MTF2: variants seen among roughly 807,000 people sequenced by gnomAD.
The protein encoded by MTF2 is metal-response element-binding transcription factor 2.
A neutral mutation model predicts 79.5 loss-of-function variants in MTF2; 11 were observed. That is an observed-to-expected ratio of 0.14 (90% CI 0.09 to 0.23). MTF2 has a LOEUF of 0.23. MTF2 is among the 10% of genes least tolerant of loss of function. The pLI is 1.00. For missense variants in MTF2, 486 were observed against 711.2 expected, an observed-to-expected ratio of 0.68 and a Z score of 3.60; for synonymous variants, 208 against 232.8, an observed-to-expected ratio of 0.89 and a Z score of 0.97.
intron 6 of MTF2, among the ~76,000 whole-genome samples, chr1:93,116,837 T>G (rs188596785): frequency 4.6e-5 from 7 of 152,076 alleles, no homozygotes; most frequent in African/African-American, 1.4e-4. Context: ...AATTTCAATA[T>G]TGTGTCTCAG....
intron 9 of MTF2, chr1:93,121,749 T>G (rs1027201861): frequency 1.1e-6 from 1 of 924,180 alleles, no homozygotes; most frequent in Non-Finnish European, 1.3e-6. Context: ...AATACTTTTT[T>G]TTTAGATGAA....
At chr1:93,099,092 C>A (rs1018249709) in intron 1 of MTF2, among the ~76,000 whole-genome samples, 3 of 152,166 alleles carry the variant, frequency 2.0e-5, no homozygotes, top group Admixed American at 2.0e-4. Context: ...TGATAAGGTC[C>A]TGAAAAAGAC....
chr1:93,081,308 A>G (rs750353439), intron 1 of MTF2, among the ~76,000 whole-genome samples: 9 of 152,178 alleles, frequency 5.9e-5, no homozygotes, highest in Non-Finnish European at 1.0e-4. Context: ...GATTTCATGG[A>G]TTATAAATAT....
intron 11 of MTF2, among the ~76,000 whole-genome samples, chr1:93,133,011 C>A (rs1423711507): frequency 6.6e-6 from 1 of 151,788 alleles, no homozygotes; most frequent in East Asian, 1.9e-4. Flanking sequence ...TAATTAGTGT[C>A]TTTGCCTATT....
intron 6 of MTF2, among the ~76,000 whole-genome samples, chr1:93,115,929 G>A (rs755640751): frequency 2.6e-4 from 40 of 152,152 alleles, no homozygotes; most frequent in Non-Finnish European, 5.6e-4. Flanking sequence ...TTCATTGGAT[G>A]TCATATTTAA....
chr1:93,096,819 T>C (rs1655311066), intron 1 of MTF2, among the ~76,000 whole-genome samples: 1 of 148,986 alleles, frequency 6.7e-6, no homozygotes, highest in Non-Finnish European at 1.5e-5. Context: ...TTTTTTTTTT[T>C]TTTTTTTTGG....
intron 8 of MTF2, chr1:93,120,067 GA>G (rs974976984): frequency 6.6e-6 from 1 of 152,312 alleles, no homozygotes; most frequent in Non-Finnish European, 1.5e-5. Context: ...TGGATCTCCT[GA>G]GGTCTGGAGT....
intron 1 of MTF2, among the ~76,000 whole-genome samples, chr1:93,101,585 T>TTTTTTG (rs1557546833): frequency 6.1e-5 from 7 of 115,622 alleles, no homozygotes; most frequent in African/African-American, 2.1e-4. Context: ...TTTTTTTTTT[T>TTTTTTG]TTTTTTTTTT....
chr1:93,115,394 G>C (rs1024843090), intron 5 of MTF2, 76 bp from the exon 6 acceptor site: 5 of 1,165,700 alleles, frequency 4.3e-6, no homozygotes, highest in Non-Finnish European at 5.9e-6. Context: ...AGAAGTGTCA[G>C]AGTCGTTTTT....
intron 9 of MTF2, among the ~76,000 whole-genome samples, chr1:93,123,389 A>G (rs1656567935): frequency 6.6e-6 from 1 of 151,682 alleles, no homozygotes; most frequent in Non-Finnish European, 1.5e-5. Context: ...GTTATACGTA[A>G]TATAGACTAA....
rs547009721 is a variant in MTF2 at position 93,112,692 on chromosome 1, A to G, written c.287-1996A>G. Among the ~76,000 whole-genome samples, 17 of 152,334 alleles carry G rather than the reference A, an allele frequency of 1.1e-4. No homozygotes were observed. In the East Asian group the frequency reaches 3.3e-3, roughly 29 times the overall value. Reference sequence around the variant, plus strand: ...TTTTAACAACAACAAAAAATTTGGTATTTCTAAGATGAAATGGCCAAGGCT... The same window carrying G: ...TTTTAACAACAACAAAAAATTTGGTGTTTCTAAGATGAAATGGCCAAGGCT... On this transcript the variant is annotated intron_variant, in intron 3 of 14. Transcript: ENST00000370298.
chr1:93,098,917 G>A (rs868037398), intron 1 of MTF2, among the ~76,000 whole-genome samples: 2 of 152,174 alleles, frequency 1.3e-5, no homozygotes, highest in Admixed American at 6.5e-5. Context: ...TGAGCCACTA[G>A]TAGCAACCCC....
At chr1:93,109,451 A>G (rs1252081968) in intron 1 of MTF2, among the ~76,000 whole-genome samples, 3 of 151,942 alleles carry the variant, frequency 2.0e-5, no homozygotes, top group Non-Finnish European at 4.4e-5. Flanking sequence ...CTCCTGCCTC[A>G]GCCTCCCCAG....
At chr1:93,098,784 T>G (rs1472940879) in intron 1 of MTF2, among the ~76,000 whole-genome samples, 1 of 152,224 alleles carries the variant, frequency 6.6e-6, no homozygotes, top group East Asian at 1.9e-4. Flanking sequence ...TAATATAGTT[T>G]ATTTGTAGTA....
chr1:93,115,421 T>G, intron 5 of MTF2, 49 bp from the exon 6 acceptor site: 17 of 1,386,192 alleles, frequency 1.2e-5, no homozygotes, highest in African/African-American at 2.9e-5. Flanking sequence ...TAGAATTGTG[T>G]TTAAAATTTT....
chr1:93,120,579 C>T lies in MTF2; in HGVS notation c.828C>T (p.Asn276=), dbSNP rs1656436021. The change falls in exon 9 of 15, where the codon AAC becomes AAT. Residue 276 remains asparagine, a synonymous_variant. Transcript: ENST00000370298. The stretch of plus-strand genomic sequence containing the variant: ...ATATAGCACACCTATGCCTTTACAA[C>T]CTAAGTGTTATTCATAAGAAGAAAT... ...WVDIAHLCLY[N]LSVIHKKKYF... is the part of the protein sequence containing the mutation. 9 of 1,606,906 alleles carry T rather than the reference C, an allele frequency of 5.6e-6. No individual in the cohort carries two copies. The highest frequency in any genetic ancestry group is 6.8e-6 in the Non-Finnish European group (8 of 1,176,498).
chr1:93,122,518 C>T (rs1430654987), intron 9 of MTF2, among the ~76,000 whole-genome samples: 1 of 152,098 alleles, frequency 6.6e-6, no homozygotes, highest in Non-Finnish European at 1.5e-5. Context: ...GGTGTCCCAG[C>T]TCCAACTGAA....
rs71586778 is a variant in MTF2, at chr1:93,101,568, G to GTTTTTTTTTTTTTTTTTTTTTTTTTTT, written c.6-8659_6-8633dup. Among the ~76,000 whole-genome samples, 9 of 25,406 alleles carry GTTTTTTTTTTTTTTTTTTTTTTTTTTT rather than the reference G, an allele frequency of 3.5e-4. 4 individuals are homozygous for GTTTTTTTTTTTTTTTTTTTTTTTTTTT. The highest frequency in any genetic ancestry group is 6.0e-4 in the Non-Finnish European group (9 of 15,122). 16.7% of individuals were successfully genotyped at this position (25,406 alleles called of 152,430 possible). On this transcript the variant is annotated intron_variant, in intron 1 of 14. Transcript: ENST00000370298. ...TGGTCTTGCCATGTTGCTCAGGCTGGTTTTTTTTTTTTTTTTTTTTTTTTT... is the reference window on the plus strand; with the variant it reads ...TGGTCTTGCCATGTTGCTCAGGCTGGTTTTTTTTTTTTTTTTTTTTTTTTTTTTTTTTTTTTTTTTTTTTTTTTTTTT...
At chr1:93,120,477 A>G (rs1656432194) in intron 8 of MTF2, 72 bp from the exon 9 acceptor site, 3 of 1,394,646 alleles carry the variant, frequency 2.2e-6, no homozygotes, top group Admixed American at 2.6e-5. Context: ...TTACTGTTTT[A>G]TAAGGAAACC....
Sources: allele counts gnomAD v4.1 joint callset (sites outside exome capture counted in the v4.1 genomes callset), GRCh38; gene constraint gnomAD v4.1.1; transcripts MANE v1.5; gene names NCBI Gene and HGNC (gene_info 2026-07-23, HGNC 2026-07-21).